Variants in PRKN observed in about 807,000 individuals in gnomAD.
PRKN encodes parkin RBR E3 ubiquitin protein ligase, also known as E3 ubiquitin-protein ligase parkin.
A neutral mutation model predicts 59.5 loss-of-function variants in PRKN; 56 were observed. The ratio of observed to expected loss-of-function variants is 0.94; its 90% CI spans 0.76 to 1.18. The LOEUF is 1.18. PRKN is among the 50% of genes most tolerant of loss of function. The probability of loss-of-function intolerance (pLI) is 0.00; values close to 1 mark genes in which losing one functional copy is unlikely to be tolerated. For missense variants in PRKN, 657 were observed against 596.4 expected (o/e 1.10, Z -1.06); for synonymous variants, 250 against 222.1 (o/e 1.13, Z -1.12).
chr6:162,343,602 A>C (rs1164562633), intron 2 of PRKN, among the ~76,000 whole-genome samples: 1 of 152,196 alleles, frequency 6.6e-6, no homozygotes, highest in Non-Finnish European at 1.5e-5. Context: ...AAGTGTACTT[A>C]CATAGGATCA....
chr6:161,445,201 C>T lies in PRKN; in HGVS notation c.1084-58324G>A, dbSNP rs60857780. ...CGAGTGTACAGCAGTCAGACAGGAACGGGGAGAGGGGGCTCAACTTTCTGA... is the reference window on the plus strand; with the variant it reads ...CGAGTGTACAGCAGTCAGACAGGAATGGGGAGAGGGGGCTCAACTTTCTGA... On this transcript the variant is annotated intron_variant, in intron 9 of 11. Transcript: ENST00000366898. The surrounding 1 kb of genome is among the most constrained non-coding windows in gnomAD (Gnocchi z 7.7). Among the ~76,000 whole-genome samples, 5,388 of 152,150 alleles carry T rather than the reference C, an allele frequency of 0.035. 327 individuals are homozygous for T. The highest frequency in any genetic ancestry group is 0.12 in the African/African-American group (4,956 of 41,486).
rs576494404 is a variant in PRKN at position 161,353,313 on chromosome 6, C to T, written c.1286-3102G>A. Among the ~76,000 whole-genome samples the T allele has an allele frequency of 6.4e-4, 98 of 152,294 alleles. No individual in the cohort carries two copies. The highest frequency in any genetic ancestry group is 2.2e-3 in the African/African-American group (93 of 41,562). On this transcript the variant is annotated intron_variant, in intron 11 of 11. Coordinates refer to ENST00000366898, the MANE Select transcript of PRKN (RefSeq NM_004562.3). This position sits in a 1 kb window ranked among gnomAD's most constrained non-coding sequence, Gnocchi z 4.8. ...GGATTTCAGAAAGAGTCCTGTCCAT[C>T]CCCTGGAGGAAGGAATGCTGCACAG...
At chr6:162,372,532 G>T (rs7761682) in intron 2 of PRKN, among the ~76,000 whole-genome samples, 38,906 of 151,838 alleles carry the variant, frequency 0.26, 5,120 homozygotes, top group African/African-American at 0.27. Flanking sequence ...CATAAATATG[G>T]CAACAAGAGA....
chr6:162,522,654 G>A (rs2128193964), intron 1 of PRKN, among the ~76,000 whole-genome samples: 1 of 152,266 alleles, frequency 6.6e-6, no homozygotes, highest in East Asian at 1.9e-4. Context: ...TACTCCAAGA[G>A]CTATTAGGTG....
rs1370170393 is a variant in PRKN at position 161,388,774 on chromosome 6, C to T, written c.1084-1897G>A. ...AAGGAAGCTCAACAGCCCATGGGAG[C>T]CCCACATGGAGAAGAGCTGCGGCCT... On this transcript the variant is annotated intron_variant, in intron 9 of 11. Transcript: ENST00000366898. This position sits in a 1 kb window ranked among gnomAD's most constrained non-coding sequence, Gnocchi z 4.3. Among the ~76,000 whole-genome samples, 2 of 152,228 alleles carry T rather than the reference C, an allele frequency of 1.3e-5. No individual in the cohort carries two copies. Among genetic ancestry groups the T allele is most frequent in the African/African-American group, 4.8e-5 (2 of 41,458 alleles).
Position 162,503,256 on chromosome 6 carries a change from G to A in PRKN, c.8-59783C>T, listed in dbSNP as rs559938459. 6.0e-5 allele frequency among the ~76,000 whole-genome samples: 9 copies of A among 149,080 alleles called. No homozygotes were observed. In the East Asian group the frequency reaches 9.9e-4, roughly 16 times the overall value. ...CGGCTCACTGCAACCTCTGCCTCCC[G>A]GGTTCAAGCAATTCTCCCGCCTCAG... On this transcript the variant is annotated intron_variant, in intron 1 of 11. Transcript: ENST00000366898.
chr6:161,604,171 G>A (rs764774987), intron 7 of PRKN, among the ~76,000 whole-genome samples: 5 of 151,194 alleles, frequency 3.3e-5, no homozygotes, highest in Non-Finnish European at 5.9e-5. Context: ...GATAAGCTAC[G>A]TTAATATAGA....
intron 4 of PRKN, among the ~76,000 whole-genome samples, chr6:162,061,991 C>T (rs1397321772): frequency 6.6e-6 from 1 of 152,136 alleles, no homozygotes; most frequent in Non-Finnish European, 1.5e-5. Context: ...ATAGTCACTG[C>T]TGAAATCTAC....
At chr6:162,692,040 C>A (rs951586244) in intron 1 of PRKN, among the ~76,000 whole-genome samples, 1 of 152,006 alleles carries the variant, frequency 6.6e-6, no homozygotes. Context: ...TTAATTAGAT[C>A]CCATTTGTCA....
intron 6 of PRKN, among the ~76,000 whole-genome samples, chr6:161,811,453 A>G (rs997243203): frequency 6.6e-6 from 1 of 152,198 alleles, no homozygotes; most frequent in African/African-American, 2.4e-5. Context: ...CTAACAGAGG[A>G]GCCAAGGTAG....
intron 7 of PRKN, among the ~76,000 whole-genome samples, chr6:161,602,174 TC>T (rs1378423149): frequency 2.6e-5 from 4 of 152,190 alleles, no homozygotes; most frequent in Non-Finnish European, 5.9e-5. Context: ...ATCTATGTAA[TC>T]TATTTTATCC....
chr6:161,992,077 C>T (rs1285721374), intron 5 of PRKN, among the ~76,000 whole-genome samples: 2 of 151,888 alleles, frequency 1.3e-5, no homozygotes, highest in Non-Finnish European at 2.9e-5. Flanking sequence ...CGGTAGCTCA[C>T]GCCTGTAATC....
At chr6:162,126,700 C>A (rs1271659171) in intron 4 of PRKN, among the ~76,000 whole-genome samples, 3 of 152,168 alleles carry the variant, frequency 2.0e-5, no homozygotes, top group African/African-American at 4.8e-5. Context: ...CTTGGTCCAC[C>A]TTGAGTTAAA....
chr6:162,546,265 A>G (rs1321040882), intron 1 of PRKN, among the ~76,000 whole-genome samples: 1 of 151,814 alleles, frequency 6.6e-6, no homozygotes, highest in Non-Finnish European at 1.5e-5. Flanking sequence ...CACCAGGCCC[A>G]GCTAAATTTG....
chr6:161,471,426 T>G lies in PRKN; in HGVS notation c.1083+77428A>C, dbSNP rs1459088187. The stretch of plus-strand genomic sequence containing the variant: ...TAAGTTCCCAGTATAATGTCAGCAT[T>G]AGACTAGGATGAAAAACCAAACTAA... On this transcript the variant is annotated intron_variant, in intron 9 of 11. Coordinates refer to ENST00000366898, the MANE Select transcript of PRKN (RefSeq NM_004562.3). The surrounding 1 kb of genome is among the most constrained non-coding windows in gnomAD (Gnocchi z 4.5). 1.3e-5 allele frequency among the ~76,000 whole-genome samples: 2 copies of G among 152,160 alleles called. No individual in the cohort carries two copies. The highest frequency in any genetic ancestry group is 1.3e-4 in the Admixed American group (2 of 15,266).
chr6:162,401,003 A>C (rs537206250), intron 2 of PRKN, among the ~76,000 whole-genome samples: 2 of 152,270 alleles, frequency 1.3e-5, no homozygotes, highest in East Asian at 3.9e-4. Context: ...TATAGTAAAA[A>C]CATTGATGAT....
At chr6:161,766,455 A>G (rs1052193504) in intron 7 of PRKN, among the ~76,000 whole-genome samples, 19 of 152,076 alleles carry the variant, frequency 1.2e-4, no homozygotes, top group African/African-American at 4.6e-4. Flanking sequence ...CTACAGGTGC[A>G]CGCCACCATG....
intron 1 of PRKN, among the ~76,000 whole-genome samples, chr6:162,491,349 A>C (rs1162555829): frequency 6.6e-6 from 1 of 152,024 alleles, no homozygotes; most frequent in Non-Finnish European, 1.5e-5. Context: ...ATTGCTCAGC[A>C]TAAGAACCAT....
At chr6:162,646,173 A>C (rs905218558) in intron 1 of PRKN, among the ~76,000 whole-genome samples, 5 of 152,036 alleles carry the variant, frequency 3.3e-5, no homozygotes, top group Non-Finnish European at 7.4e-5. Context: ...CACCCGGCCT[A>C]AACTTTCTAA....
Sources: allele counts gnomAD v4.1 joint callset (sites outside exome capture counted in the v4.1 genomes callset), GRCh38; gene constraint gnomAD v4.1.1; non-coding constraint Gnocchi (gnomAD v3.1); transcripts MANE v1.5; gene names NCBI Gene and HGNC (gene_info 2026-07-23, HGNC 2026-07-21).